DLL4: variants seen among roughly 807,000 people sequenced by gnomAD.
The protein encoded by DLL4 is delta like canonical Notch ligand 4.
DLL4 carries 7 observed loss-of-function variants against 73.6 expected under a neutral mutation model. That is an observed-to-expected ratio of 0.10 (90% CI 0.05 to 0.18). The LOEUF (loss-of-function observed/expected upper bound fraction) is 0.18. Ranked by LOEUF, DLL4 falls within the 10% of genes least tolerant of loss-of-function variation. The probability of loss-of-function intolerance (pLI) is 1.00; values close to 1 mark genes in which losing one functional copy is unlikely to be tolerated. For missense variants in DLL4, 614 were observed against 929.9 expected (o/e 0.66, Z 4.42); for synonymous variants, 345 against 374.3 (o/e 0.92, Z 0.90).
At position 40,936,434 on chromosome 15, in the gene DLL4, G is replaced by A. The variant is rs1229649268; in HGVS notation, c.1447G>A (p.Ala483Thr). 1 of 1,611,452 alleles carries A rather than the reference G, an allele frequency of 6.2e-7. No homozygotes were observed. The highest frequency in any genetic ancestry group is 8.5e-7 in the Non-Finnish European group (1 of 1,179,478). Residue 483 changes from alanine (A) to threonine (T), a missense_variant, in exon 9 of 11, where the codon GCC (alanine) becomes ACC (threonine). Around this residue, in one of 3 missense-constraint regions of DLL4, gnomAD observed 386 missense variants for 541.3 expected, o/e 0.71. Transcript: ENST00000249749. ...RRCEVRTSIDACASSPCFNRA... is the reference protein window; with the variant it reads ...RRCEVRTSIDTCASSPCFNRA... The stretch of plus-strand genomic sequence containing the variant: ...CTGTGAGGTGCGGACATCCATCGAT[G>A]CCTGTGCCTCGAGTCCCTGCTTCAA...
At position 40,936,461 on chromosome 15, in the gene DLL4, A is replaced by G. The variant is rs1352386413; in HGVS notation, c.1474A>G (p.Arg492Gly). The change falls in exon 9 of 11, where the codon AGG becomes GGG. Residue 492 changes from arginine to glycine, a missense_variant. This residue lies in a region of DLL4 where 386 missense variants were observed against 541.3 expected (regional missense o/e 0.71). Transcript: ENST00000249749. ...CTGTGCCTCGAGTCCCTGCTTCAAC[A>G]GGGCCACCTGCTACACCGACCTCTC... Reference protein sequence around the residue: ...DACASSPCFNRATCYTDLSTD... With the variant: ...DACASSPCFNGATCYTDLSTD... 1 of 1,611,242 alleles carries G rather than the reference A, an allele frequency of 6.2e-7. No homozygotes were observed. The highest frequency in any genetic ancestry group is 1.3e-5 in the African/African-American group (1 of 74,892).
rs1315309571 is a variant in DLL4, at chr15:40,936,520, C to T, written c.1533C>T (p.Gly511=). 3 of 1,611,664 alleles carry T rather than the reference C, an allele frequency of 1.9e-6. No individual in the cohort carries two copies. The change falls in exon 9 of 11, where the codon GGC becomes GGT. Residue 511 remains glycine (G), a synonymous_variant. Coordinates refer to ENST00000249749, the MANE Select transcript of DLL4 (RefSeq NM_019074.4). The part of the protein sequence containing the change: ...TDTFVCNCPY[G]FVGSRCEFPV... ...CCTTTGTGTGCAACTGCCCTTATGG[C>T]TTTGTGGGCAGCCGCTGCGAGTTCC...
In DLL4 at chr15:40,929,577, G is replaced by A. The variant is rs528515622; in HGVS notation, c.-92G>A. On this transcript the variant is annotated 5_prime_UTR_variant, in exon 1 of 11. Transcript: ENST00000249749. The surrounding 1 kb of genome is among the most constrained non-coding windows in gnomAD (Gnocchi z 7.1). ...TCCCGAGAGGAGCGCCTCTTTTCAG[G>A]GACCCCGCCGGCTGGCGGACGCGCG... 1.1e-5 allele frequency: 14 copies of A among 1,254,862 alleles called. No homozygotes were observed. The African/African-American group carries it at 1.4e-4, about 12-fold the overall frequency. 77.7% of individuals were successfully genotyped at this position (1,254,862 alleles called of 1,614,324 possible).
chr15:40,936,496 C>A lies in DLL4; in HGVS notation c.1509C>A (p.Thr503=). The stretch of plus-strand genomic sequence containing the variant: ...GCTACACCGACCTCTCCACAGACAC[C>A]TTTGTGTGCAACTGCCCTTATGGCT... ...ATCYTDLSTD[T]FVCNCPYGFV... Residue 503 remains threonine, a synonymous_variant, in exon 9 of 11, where the codon ACC becomes ACA. Transcript: ENST00000249749. 1 of 1,611,852 alleles carries A rather than the reference C, an allele frequency of 6.2e-7. No homozygotes were observed. Among genetic ancestry groups the A allele is most frequent in the South Asian group, 1.1e-5 (1 of 90,974 alleles).
Position 40,929,641 on chromosome 15 carries a change from G to C in DLL4, c.-28G>C. On this transcript the variant is annotated 5_prime_UTR_variant, in exon 1 of 11. Coordinates refer to ENST00000249749, the MANE Select transcript of DLL4 (RefSeq NM_019074.4). This position sits in a 1 kb window ranked among gnomAD's most constrained non-coding sequence, Gnocchi z 7.1. ...GCGAACAGAGCCAGATTGAGGGCCCGCGGGTGGAGAGAGCGACGCCCGAGG... is the reference window on the plus strand; with the variant it reads ...GCGAACAGAGCCAGATTGAGGGCCCCCGGGTGGAGAGAGCGACGCCCGAGG... The C allele has an allele frequency of 6.6e-7, 1 of 1,506,438 alleles. No individual in the cohort carries two copies. The highest frequency in any genetic ancestry group is 2.3e-5 in the East Asian group (1 of 43,146). The allele number at this position is 1,506,438 out of a possible 1,614,324, so 93.3% of individuals were successfully genotyped here.
Position 40,934,969 on chromosome 15 carries a change from G to T in DLL4, c.1092G>T (p.Leu364Phe), listed in dbSNP as rs1596194136. 1.2e-6 allele frequency: 2 copies of T among 1,613,694 alleles called. No homozygotes were observed. Among genetic ancestry groups the T allele is most frequent in the Non-Finnish European group, 1.7e-6 (2 of 1,179,894 alleles). The change falls in exon 8 of 11, where the codon TTG becomes TTT. Residue 364 changes from leucine to phenylalanine, a missense_variant. By Grantham distance (22) the Leu-to-Phe change is conservative. This residue lies in a region of DLL4 where 386 missense variants were observed against 541.3 expected (regional missense o/e 0.71). Transcript: ENST00000249749. ...GCCTGCATTGTGAACACAGCACCTT[G>T]AGCTGCGCCGACTCCCCCTGCTTCA... ...YYGLHCEHST[L>F]SCADSPCFNG...
intron 4 of DLL4, 24 bp downstream of exon 4, chr15:40,931,790 T>C: frequency 9.3e-6 from 15 of 1,611,826 alleles, no homozygotes; most frequent in Non-Finnish European, 1.3e-5. Flanking sequence ...CTCCCACCTG[T>C]GTGGAAGGGG....
intron 6 of DLL4, among the ~76,000 whole-genome samples, chr15:40,932,979 C>G (rs1472025804): frequency 1.3e-5 from 2 of 152,348 alleles, no homozygotes; most frequent in South Asian, 2.1e-4. Context: ...TAGTTACCAC[C>G]TGCCTGAACC....
At chr15:40,937,175 G>C (rs1007580153) in intron 9 of DLL4, among the ~76,000 whole-genome samples, 1 of 152,310 alleles carries the variant, frequency 6.6e-6, no homozygotes, top group East Asian at 1.9e-4. Flanking sequence ...AGTGTGGCTT[G>C]CCTCTAGTGG....
At chr15:40,937,382 G>C in intron 9 of DLL4, 36 bp from the exon 10 acceptor site, 1 of 1,344,608 alleles carries the variant, frequency 7.4e-7, no homozygotes, top group Non-Finnish European at 1.1e-6. Flanking sequence ...GCCTCTCCCC[G>C]TCCCTCCCTT....
Position 40,930,229 on chromosome 15 carries a change from C to CGA in DLL4, c.336+113_336+114insGA. 2 of 1,305,278 alleles carry CGA rather than the reference C, an allele frequency of 1.5e-6. No homozygotes were observed. Among genetic ancestry groups the CGA allele is most frequent in the Non-Finnish European group, 2.1e-6 (2 of 957,224 alleles). 80.9% of individuals were successfully genotyped at this position (1,305,278 alleles called of 1,614,324 possible). Reference sequence around the variant, plus strand: ...TACACACACCCCCACCCCCAAAAAGCCCAGGATGCATTCTTTCCTGGCTCT... The same window carrying CGA: ...TACACACACCCCCACCCCCAAAAAGCGACCAGGATGCATTCTTTCCTGGCTCT... On this transcript the variant is annotated intron_variant, in intron 2 of 10. Transcript: ENST00000249749. This position sits in a 1 kb window ranked among gnomAD's most constrained non-coding sequence, Gnocchi z 5.7.
intron 6 of DLL4, 26 bp from the exon 7 acceptor site, chr15:40,934,522 C>T (rs1390997863): frequency 1.2e-6 from 2 of 1,610,946 alleles, no homozygotes; most frequent in Admixed American, 1.7e-5. Flanking sequence ...TGGCCCTGCT[C>T]AGCTGCTTGG....
chr15:40,937,417 G>T lies in DLL4; in HGVS notation c.1944-1G>T, dbSNP rs745994390. 1 of 1,610,154 alleles carries T rather than the reference G, an allele frequency of 6.2e-7. No individual in the cohort carries two copies. On this transcript the variant is annotated splice_acceptor_variant, in intron 9 of 10. Transcript: ENST00000249749. LOFTEE classifies it high-confidence loss of function. ...TACACGCCTGTCTTGTGTTCCCTCA[G>T]TGAAAAGCCAGAGTGTCGGATATCA...
At chr15:40,932,796 C>G (rs1892787653) in intron 6 of DLL4, among the ~76,000 whole-genome samples, 1 of 152,158 alleles carries the variant, frequency 6.6e-6, no homozygotes, top group Admixed American at 6.5e-5. Flanking sequence ...ACCTATTAAC[C>G]CCCTGAGTGT....
intron 6 of DLL4, among the ~76,000 whole-genome samples, chr15:40,933,750 A>G (rs1340529989): frequency 6.6e-6 from 1 of 152,138 alleles, no homozygotes; most frequent in East Asian, 1.9e-4. Flanking sequence ...GACGTCTTCC[A>G]GTTCCAGTTG....
In DLL4 at chr15:40,935,030, A is replaced by C; in HGVS notation, c.1153A>C (p.Asn385His). Residue 385 changes from asparagine (N) to histidine (H), a missense_variant, in exon 8 of 11, where the codon AAC becomes CAC. Around this residue, in one of 3 missense-constraint regions of DLL4, gnomAD observed 386 missense variants for 541.3 expected, o/e 0.71. Transcript: ENST00000249749. Reference sequence around the variant, plus strand: ...CTGCCGGGAGCGCAACCAGGGGGCCAACTATGCTTGTGAATGTCCCCCCAA... The same window carrying C: ...CTGCCGGGAGCGCAACCAGGGGGCCCACTATGCTTGTGAATGTCCCCCCAA... ...GSCRERNQGA[N>H]YACECPPNFT... The C allele has an allele frequency of 1.9e-6, 3 of 1,613,544 alleles. No individual in the cohort carries two copies. The highest frequency in any genetic ancestry group is 2.5e-6 in the Non-Finnish European group (3 of 1,179,890).
Position 40,935,131 on chromosome 15 carries a change from C to A in DLL4, c.1240+14C>A. The A allele has an allele frequency of 6.2e-7, 1 of 1,605,348 alleles. No homozygotes were observed. The highest frequency in any genetic ancestry group is 8.5e-7 in the Non-Finnish European group (1 of 1,177,432). On this transcript the variant is annotated intron_variant, in intron 8 of 10. Coordinates refer to ENST00000249749, the MANE Select transcript of DLL4 (RefSeq NM_019074.4). ...CCTGTGCCAACGGTGCGTGCTGCTG[C>A]CCTGCTAACCTGGTGGACTGGCCCT...
rs1892881084 is a variant in DLL4, at chr15:40,938,922, G to A, written c.*888G>A. On this transcript the variant is annotated 3_prime_UTR_variant, in exon 11 of 11. Transcript: ENST00000249749. ...TGGTCTTCAGAAATCAATAATATGA[G>A]TTTTTATTTTGTTTTTTTTTTTTTT... 2 of 138,084 alleles carry A rather than the reference G, an allele frequency of 1.4e-5. No individual in the cohort carries two copies. The highest frequency in any genetic ancestry group is 5.4e-5 in the African/African-American group (2 of 36,716). The allele number at this position is 138,084 out of a possible 1,614,324, so 8.6% of individuals were successfully genotyped here.
intron 6 of DLL4, among the ~76,000 whole-genome samples, chr15:40,934,240 C>A (rs1232681266): frequency 6.7e-6 from 1 of 149,132 alleles, no homozygotes; most frequent in Admixed American, 6.7e-5. Context: ...GTATGAGAAT[C>A]GCTTGAACCC....
Sources: allele counts gnomAD v4.1 joint callset (sites outside exome capture counted in the v4.1 genomes callset), GRCh38; gene constraint gnomAD v4.1.1; regional missense constraint gnomAD v4.1.1; non-coding constraint Gnocchi (gnomAD v3.1); transcripts MANE v1.5; gene names NCBI Gene and HGNC (gene_info 2026-07-23, HGNC 2026-07-21).